UCP2: variants seen among roughly 807,000 people sequenced by gnomAD.
UCP2 encodes the protein uncoupling protein 2, also known as dicarboxylate carrier SLC25A8.
In UCP2, 27 loss-of-function variants were observed where a neutral mutation model predicts 31.3. The observed-to-expected ratio is 0.86, with a 90% CI of 0.64 to 1.19. UCP2 has a LOEUF of 1.19. UCP2 is among the 50% of genes most tolerant of loss of function. UCP2 has a pLI of 0.00. For synonymous variants in UCP2, 142 were observed against 157.4 expected (o/e 0.90, Z 0.73); for missense variants, 377 against 413.5 (o/e 0.91, Z 0.76).
Position 73,976,672 on chromosome 11 carries a change from C to G in UCP2, c.603G>C (p.Lys201Asn). 1 of 1,614,142 alleles carries G rather than the reference C, an allele frequency of 6.2e-7. No homozygotes were observed. The highest frequency in any genetic ancestry group is 8.5e-7 in the Non-Finnish European group (1 of 1,180,008). The change falls in exon 6 of 8, where the codon AAG becomes AAC. Residue 201 changes from lysine (K) to asparagine (N), a missense_variant. Physicochemically the swap from Lys to Asn is moderately conservative, Grantham distance 94. Coordinates refer to ENST00000663595, the MANE Select transcript of UCP2 (RefSeq NM_003355.3). ...TGAGGTTGGCTTTCAGGAGGGCATC[C>G]TTGATGAGGTCATAGGTCACCAGCT... Reference protein sequence around the residue: ...CAELVTYDLIKDALLKANLMT... With the variant: ...CAELVTYDLINDALLKANLMT...
At chr11:73,975,751 G>C (rs928101471) in intron 6 of UCP2, 80 bp from the exon 7 acceptor site, 7 of 1,537,070 alleles carry the variant, frequency 4.6e-6, no homozygotes, top group African/African-American at 1.4e-5. Flanking sequence ...AAGTAGCTAC[G>C]AGTTTTCATG....
At chr11:73,975,803 T>C in intron 6 of UCP2, 132 bp from the exon 7 acceptor site, 3 of 1,154,690 alleles carry the variant, frequency 2.6e-6, no homozygotes, top group Non-Finnish European at 3.7e-6. Flanking sequence ...GTCTCATGCC[T>C]GTAATCCAGG....
Position 73,974,968 on chromosome 11 carries a change from G to A in UCP2, c.*39C>T, listed in dbSNP as rs760807417. On this transcript the variant is annotated 3_prime_UTR_variant, in exon 8 of 8. Coordinates refer to ENST00000663595, the MANE Select transcript of UCP2 (RefSeq NM_003355.3). ...AAAAGGAAAGCATGGCCCGGCTAGAGACAAAGCCAGAGGTGATCAGGTCAG... is the reference window on the plus strand; with the variant it reads ...AAAAGGAAAGCATGGCCCGGCTAGAAACAAAGCCAGAGGTGATCAGGTCAG... The A allele has an allele frequency of 7.5e-7, 1 of 1,341,000 alleles. No individual in the cohort carries two copies. The highest frequency in any genetic ancestry group is 1.0e-6 in the Non-Finnish European group (1 of 1,003,440). 83.1% of individuals were successfully genotyped at this position (1,341,000 alleles called of 1,614,324 possible).
intron 4 of UCP2, among the ~76,000 whole-genome samples, chr11:73,977,396 G>A (rs1015083485): frequency 4.3e-4 from 65 of 152,312 alleles, no homozygotes; most frequent in African/African-American, 1.4e-3. Flanking sequence ...TGGGATCTCA[G>A]GTCAGCTTTA....
chr11:73,978,053 G>T lies in UCP2; in HGVS notation c.170C>A (p.Ala57Asp). 6.2e-7 allele frequency: 1 copy of T among 1,614,178 alleles called. No homozygotes were observed. Among genetic ancestry groups the T allele is most frequent in the Non-Finnish European group, 8.5e-7 (1 of 1,180,018 alleles). ...GGTGCCCATCACACCGCGGTACTGG[G>T]CGCTGGCTGTAGCGCGCACTGGCCC... ...SQGPVRATAS[A>D]QYRGVMGTIL... Residue 57 changes from alanine to aspartate, a missense_variant, in exon 4 of 8, where the codon GCC (alanine) becomes GAC (aspartate). Coordinates refer to ENST00000663595, the MANE Select transcript of UCP2 (RefSeq NM_003355.3).
intron 1 of UCP2, among the ~76,000 whole-genome samples, chr11:73,981,897 C>T (rs1951461705): frequency 6.6e-6 from 1 of 151,926 alleles, no homozygotes; most frequent in East Asian, 1.9e-4. Flanking sequence ...CCCCCTAGCA[C>T]AGTCATCAGA....
At chr11:73,978,502 A>T in intron 2 of UCP2, 25 bp from the exon 3 acceptor site, 1 of 1,389,602 alleles carries the variant, frequency 7.2e-7, no homozygotes, top group Non-Finnish European at 9.9e-7. Context: ...GAAAAGCCCC[A>T]TTAGCCACAA....
In UCP2 at chr11:73,982,831, T is replaced by TGGGCTTCGCAGTG. The variant is rs1242897467; in HGVS notation, c.-368_-367insCACTGCGAAGCCC. The stretch of plus-strand genomic sequence containing the variant: ...CAGTCAATCCCAAGGCGCGCGCAGC[T>TGGGCTTCGCAGTG]GGGCTTCGCAGTGGGGCTCCGCGCA... On this transcript the variant is annotated 5_prime_UTR_variant, in exon 1 of 8. Coordinates refer to ENST00000663595, the MANE Select transcript of UCP2 (RefSeq NM_003355.3). 7.3e-6 allele frequency: 1 copy of TGGGCTTCGCAGTG among 137,818 alleles called. No homozygotes were observed. Among genetic ancestry groups the TGGGCTTCGCAGTG allele is most frequent in the Non-Finnish European group, 1.6e-5 (1 of 63,090 alleles). 8.5% of individuals were successfully genotyped at this position (137,818 alleles called of 1,614,324 possible). A position where few individuals can be genotyped will look rare whatever the true frequency, so the allele number is the denominator to read the frequency against.
At chr11:73,975,731 A>G (rs532353267) in intron 6 of UCP2, 60 bp from the exon 7 acceptor site, 1 of 1,594,650 alleles carries the variant, frequency 6.3e-7, no homozygotes, top group Non-Finnish European at 8.6e-7. Context: ...AGAAGGCAGG[A>G]GAATTACTTA....
intron 6 of UCP2, among the ~76,000 whole-genome samples, chr11:73,976,325 G>A (rs935837196): frequency 6.6e-6 from 1 of 151,948 alleles, no homozygotes; most frequent in Non-Finnish European, 1.5e-5. Flanking sequence ...GATTACACGG[G>A]TAACAGAGTG....
Position 73,976,822 on chromosome 11 carries a change from C to T in UCP2, c.532+1G>A, listed in dbSNP as rs1320544055. The T allele has an allele frequency of 1.2e-6, 2 of 1,614,258 alleles. No homozygotes were observed. Among genetic ancestry groups the T allele is most frequent in the South Asian group, 1.1e-5 (1 of 91,090 alleles). On this transcript the variant is annotated splice_donor_variant, in intron 5 of 7. Transcript: ENST00000663595. LOFTEE classifies it high-confidence loss of function. ...GGGAAGGGAAAACAACTGGTACACACCTTTCCAGAGGCCCCGGAACCCTTC... is the reference window on the plus strand; with the variant it reads ...GGGAAGGGAAAACAACTGGTACACATCTTTCCAGAGGCCCCGGAACCCTTC...
rs1951356701 is a variant in UCP2, at chr11:73,976,892, T to G, written c.463A>C (p.Arg155=). 1 of 1,614,150 alleles carries G rather than the reference T, an allele frequency of 6.2e-7. No homozygotes were observed. The highest frequency in any genetic ancestry group is 2.2e-5 in the East Asian group (1 of 44,876). Residue 155 remains arginine, a synonymous_variant, in exon 5 of 8, where the codon AGA becomes CGA. Coordinates refer to ENST00000663595, the MANE Select transcript of UCP2 (RefSeq NM_003355.3). ...QAQARAGGGR[R]YQSTVNAYKT... is the part of the protein sequence containing the mutation. The stretch of plus-strand genomic sequence containing the variant: ...TAGGCATTGACGGTGCTTTGGTATC[T>G]CCGACCACCTCCAGCCCGGGCCTGA...
At chr11:73,975,350 G>T in intron 7 of UCP2, 141 bp downstream of exon 7, 1 of 1,067,510 alleles carries the variant, frequency 9.4e-7, no homozygotes, top group African/African-American at 1.6e-5. Context: ...AAGGGGATAG[G>T]TGAATGCTGG....
At chr11:73,975,816 TTC>T (rs869036529) in intron 6 of UCP2, 145 bp from the exon 7 acceptor site, 1 of 368,124 alleles carries the variant, frequency 2.7e-6, no homozygotes, top group African/African-American at 2.7e-4. Flanking sequence ...AATCCAGGAC[TTC>T]TTTTGGAGGC....
chr11:73,978,250 C>CA lies in UCP2; in HGVS notation c.126+2dup. The CA allele has an allele frequency of 6.2e-7, 1 of 1,614,170 alleles. No homozygotes were observed. Among genetic ancestry groups the CA allele is most frequent in the South Asian group, 1.1e-5 (1 of 91,056 alleles). On this transcript the variant is annotated splice_region_variant and intron_variant, in intron 3 of 7. Transcript: ENST00000663595. ...TCAAGACTCCCAGGCTTCATCCCCTCACCTGTAACCGGACTTTAGCAGTAT... is the reference window on the plus strand; with the variant it reads ...TCAAGACTCCCAGGCTTCATCCCCTCAACCTGTAACCGGACTTTAGCAGTAT...
In UCP2 at chr11:73,978,242, C is replaced by T. The variant is rs772380898; in HGVS notation, c.126+11G>A. The T allele has an allele frequency of 1.8e-5, 29 of 1,614,054 alleles. No homozygotes were observed. In the Admixed American group the frequency reaches 3.8e-4, roughly 21 times the overall value. On this transcript the variant is annotated intron_variant, in intron 3 of 7. Transcript: ENST00000663595. The stretch of plus-strand genomic sequence containing the variant: ...AGACACCATCAAGACTCCCAGGCTT[C>T]ATCCCCTCACCTGTAACCGGACTTT...
Position 73,978,086 on chromosome 11 carries a change from T to C in UCP2, c.137A>G (p.Glu46Gly), listed in dbSNP as rs201348391. 6.2e-7 allele frequency: 1 copy of C among 1,614,070 alleles called. No homozygotes were observed. Among genetic ancestry groups the C allele is most frequent in the East Asian group, 2.2e-5 (1 of 44,874 alleles). The change falls in exon 4 of 8, where the codon GAA becomes GGA. Residue 46 changes from glutamate to glycine, a missense_variant. By Grantham distance (98) the Glu-to-Gly change is moderately conservative. Transcript: ENST00000663595. The stretch of plus-strand genomic sequence containing the variant: ...TGTAGCGCGCACTGGCCCCTGACTT[T>C]CTCCTTGGATCTGCAAGGCCAAGAC... Reference protein sequence around the residue: ...TAKVRLQIQGESQGPVRATAS... With the variant: ...TAKVRLQIQGGSQGPVRATAS...
At chr11:73,981,782 A>G (rs1280712822) in intron 1 of UCP2, 150 bp from the exon 2 acceptor site, 1 of 152,352 alleles carries the variant, frequency 6.6e-6, no homozygotes, top group East Asian at 1.9e-4. Flanking sequence ...CAGGGCGGAA[A>G]ATGAACCTAG....
Position 73,977,800 on chromosome 11 carries a change from TA to T in UCP2, c.337+85del, listed in dbSNP as rs1485842760. On this transcript the variant is annotated intron_variant, in intron 4 of 7. Transcript: ENST00000663595. ...TGATCTTCCTAGGGATCGTGGGGCC[TA>T]AAAAACTATATGGCTGAATGAACTA... 4 of 1,583,400 alleles carry T rather than the reference TA, an allele frequency of 2.5e-6. No homozygotes were observed. The Admixed American group carries it at 5.1e-5, about 20-fold the overall frequency.
Sources: gnomAD v4.1 joint callset for allele counts (sites outside exome capture counted in the v4.1 genomes callset) on GRCh38, gnomAD v4.1.1 for gene constraint, MANE v1.5 for transcripts, NCBI Gene and HGNC (gene_info 2026-07-23, HGNC 2026-07-21) for gene names.